Variants in ANKRD30A observed in about 807,000 individuals in gnomAD.
ANKRD30A encodes the protein ankyrin repeat domain 30A, also known as ankyrin repeat domain-containing protein 30A.
Under a neutral mutation model 166.3 loss-of-function variants are expected in ANKRD30A, and 170 were observed. The ratio of observed to expected loss-of-function variants is 1.02; its 90% confidence interval spans 0.90 to 1.16. The LOEUF (loss-of-function observed/expected upper bound fraction) is 1.16. Among genes scored for constraint, ANKRD30A ranks in the 50% most tolerant of loss-of-function variants. The pLI is 0.00. For missense variants in ANKRD30A, 1,630 were observed against 1,518.0 expected (o/e 1.07, Z -1.23); for synonymous variants, 564 against 508.9 (o/e 1.11, Z -1.46).
At chr10:37,183,215 T>C (rs1840152951) in intron 24 of ANKRD30A, among the ~76,000 whole-genome samples, 1 of 148,824 alleles carries the variant, frequency 6.7e-6, no homozygotes, top group Admixed American at 6.8e-5. Context: ...CAATACGCAT[T>C]ACAACTGTTA....
the ANKRD30A span, among the ~76,000 whole-genome samples, chr10:37,261,027 C>T: frequency 1.3e-5 from 2 of 151,948 alleles, no homozygotes; most frequent in Admixed American, 6.6e-5. Flanking sequence ...GCACTTTACC[C>T]CCAAATGTAA....
At chr10:37,131,451 A>G (rs1836373345) in intron 3 of ANKRD30A, among the ~76,000 whole-genome samples, 1 of 152,328 alleles carries the variant, frequency 6.6e-6, no homozygotes, top group Non-Finnish European at 1.5e-5. Flanking sequence ...GTCTTGTAAT[A>G]GGAGAAACCC....
Position 37,219,715 on chromosome 10 carries a change from C to G in ANKRD30A, c.4003C>G (p.Gln1335Glu). The stretch of plus-strand genomic sequence containing the variant: ...ACAAAGCAAAAATATGTGGCTTCAA[C>G]AGCAATTAGTTCATGCACATAAGAA... ...QLQSKNMWLQ[Q>E]QLVHAHKKAD... Residue 1335 changes from glutamine to glutamate, a missense_variant, in exon 34 of 36, where the codon CAG becomes GAG. By Grantham distance (29) the Gln-to-Glu change is conservative. Transcript: ENST00000361713. 1 of 1,609,150 alleles carries G rather than the reference C, an allele frequency of 6.2e-7. No individual in the cohort carries two copies. Among genetic ancestry groups the G allele is most frequent in the Non-Finnish European group, 8.5e-7 (1 of 1,177,080 alleles).
chr10:37,141,789 T>C lies in ANKRD30A; in HGVS notation c.892T>C (p.Leu298=). The C allele has an allele frequency of 6.2e-7, 1 of 1,612,056 alleles. No individual in the cohort carries two copies. The highest frequency in any genetic ancestry group is 8.5e-7 in the Non-Finnish European group (1 of 1,179,524). ...AAGAACACCTGACACAGCTGAAAGC[T>C]TGGTGGAAAAAACACCTGATGAGGC... ...AERTPDTAES[L]VEKTPDEAAP... is the part of the protein sequence containing the mutation. The change falls in exon 7 of 36, where the codon TTG becomes CTG. Residue 298 remains leucine (L), a synonymous_variant. Coordinates refer to ENST00000361713, the MANE Select transcript of ANKRD30A (RefSeq NM_052997.3).
At chr10:37,245,142 A>G in the ANKRD30A span, among the ~76,000 whole-genome samples, 2 of 152,174 alleles carry the variant, frequency 1.3e-5, no homozygotes, top group Non-Finnish European at 2.9e-5. Context: ...AAAAAATTTC[A>G]CATAGAGATC....
chr10:37,166,182 C>G lies in ANKRD30A; in HGVS notation c.2065-423C>G, dbSNP rs541324938. Among the ~76,000 whole-genome samples the G allele has an allele frequency of 2.0e-5, 3 of 152,176 alleles. No homozygotes were observed. In the South Asian group the frequency reaches 6.2e-4, roughly 32 times the overall value. On this transcript the variant is annotated intron_variant, in intron 18 of 35. Coordinates refer to ENST00000361713, the MANE Select transcript of ANKRD30A (RefSeq NM_052997.3). Reference sequence around the variant, plus strand: ...GCATGATTTTTAACACTAAACAGTTCTATGATCGTGAATATTTTAAATGTT... The same window carrying G: ...GCATGATTTTTAACACTAAACAGTTGTATGATCGTGAATATTTTAAATGTT...
chr10:37,245,839 C>A, the ANKRD30A span, among the ~76,000 whole-genome samples: 5 of 152,304 alleles, frequency 3.3e-5, no homozygotes, highest in East Asian at 5.8e-4. Context: ...AAATCCCAAG[C>A]TATCTCCTGA....
chr10:37,228,798 G>A (rs1381650169), intron 34 of ANKRD30A, among the ~76,000 whole-genome samples: 1 of 151,908 alleles, frequency 6.6e-6, no homozygotes, highest in East Asian at 1.9e-4. Flanking sequence ...ACCTCTATTA[G>A]ATTGTACTTT....
Position 37,178,761 on chromosome 10 carries a change from G to T in ANKRD30A, c.2421+2543G>T, listed in dbSNP as rs529735615. 4.4e-5 allele frequency among the ~76,000 whole-genome samples: 6 copies of T among 136,562 alleles called. 1 individual carries two copies. The highest frequency in any genetic ancestry group is 9.9e-5 in the Non-Finnish European group (6 of 60,680). 89.6% of individuals were successfully genotyped at this position (136,562 alleles called of 152,430 possible). On this transcript the variant is annotated intron_variant, in intron 24 of 35. Coordinates refer to ENST00000361713, the MANE Select transcript of ANKRD30A (RefSeq NM_052997.3). ...CGAATGGGAAGAATCAAGAGCACAA[G>T]TCTAGTGATTATTTTTGCTAAAGCA...
At chr10:37,133,322 T>C (rs1588747997) in intron 4 of ANKRD30A, among the ~76,000 whole-genome samples, 1 of 152,330 alleles carries the variant, frequency 6.6e-6, no homozygotes, top group African/African-American at 2.4e-5. Flanking sequence ...GAGTTTAATT[T>C]CTAGCTTCCT....
At chr10:37,209,498 C>T (rs139800625) in intron 31 of ANKRD30A, among the ~76,000 whole-genome samples, 168 of 152,168 alleles carry the variant, frequency 1.1e-3, no homozygotes, top group African/African-American at 3.8e-3. Flanking sequence ...GAGTACAGCA[C>T]CAAAGGCACG....
chr10:37,204,730 T>G (rs1040376926), intron 31 of ANKRD30A, among the ~76,000 whole-genome samples: 6 of 152,080 alleles, frequency 3.9e-5, no homozygotes, highest in Non-Finnish European at 5.9e-5. Flanking sequence ...ATATCCAGAA[T>G]CTACAAAAAC....
chr10:37,152,521 G>A (rs17590202), intron 12 of ANKRD30A, among the ~76,000 whole-genome samples: 2 of 152,036 alleles, frequency 1.3e-5, no homozygotes, highest in African/African-American at 2.4e-5. Context: ...TTAAACTGCA[G>A]TATTGTAAAA....
the ANKRD30A span, among the ~76,000 whole-genome samples, chr10:37,263,618 T>G: frequency 6.6e-6 from 1 of 152,004 alleles, no homozygotes; most frequent in Non-Finnish European, 1.5e-5. Context: ...CCTATGAGAA[T>G]CTAATGCCAC....
the ANKRD30A span, among the ~76,000 whole-genome samples, chr10:37,253,423 A>G: frequency 1.4e-3 from 216 of 152,332 alleles, no homozygotes; most frequent in Middle Eastern, 0.02. Flanking sequence ...TTGTACAACC[A>G]TTACTACAAT....
At chr10:37,196,520 T>A (rs766679674) in intron 27 of ANKRD30A, among the ~76,000 whole-genome samples, 3 of 152,188 alleles carry the variant, frequency 2.0e-5, no homozygotes, top group African/African-American at 7.2e-5. Context: ...GTAAAAATAC[T>A]GAATTTATAC....
intron 7 of ANKRD30A, among the ~76,000 whole-genome samples, chr10:37,144,042 T>C (rs1300671445): frequency 1.3e-5 from 2 of 152,130 alleles, no homozygotes; most frequent in Non-Finnish European, 2.9e-5. Context: ...TAGGTCTTTC[T>C]TTGCCGTTAT....
At chr10:37,218,273 A>G (rs1469963968) in intron 33 of ANKRD30A, among the ~76,000 whole-genome samples, 4 of 150,912 alleles carry the variant, frequency 2.7e-5, no homozygotes, top group African/African-American at 7.3e-5. Flanking sequence ...TCTAGATTTT[A>G]TCTTCTTTCT....
chr10:37,232,139 A>G (rs1843436225), intron 35 of ANKRD30A, among the ~76,000 whole-genome samples: 1 of 152,050 alleles, frequency 6.6e-6, no homozygotes, highest in Non-Finnish European at 1.5e-5. Context: ...GTAGATGTTC[A>G]TTATTTAAAG....
Sources: gnomAD v4.1 joint callset for allele counts (sites outside exome capture counted in the v4.1 genomes callset) on GRCh38, gnomAD v4.1.1 for gene constraint, MANE v1.5 for transcripts, NCBI Gene and HGNC (gene_info 2026-07-23, HGNC 2026-07-21) for gene names.